Variants in MTREX observed in about 807,000 individuals in gnomAD.
The protein encoded by MTREX is Mtr4 exosome RNA helicase.
A neutral mutation model predicts 135.4 loss-of-function variants in MTREX; 76 were observed. That is an observed-to-expected ratio of 0.56 (90% confidence interval 0.47 to 0.68). The LOEUF (loss-of-function observed/expected upper bound fraction) is 0.68. Ranked by LOEUF, MTREX falls within the 30% of genes least tolerant of loss-of-function variation. The pLI, the probability that MTREX is intolerant of heterozygous loss-of-function variation, is 0.00. For missense variants in MTREX, 920 were observed against 1,262.1 expected, an observed-to-expected ratio of 0.73 and a Z score of 4.11; for synonymous variants, 404 against 401.6, an observed-to-expected ratio of 1.01 and a Z score of -0.07.
chr5:55,366,837 A>G lies in MTREX; in HGVS notation c.1772A>G (p.Gln591Arg), dbSNP rs928562187. 6.2e-7 allele frequency: 1 copy of G among 1,610,064 alleles called. No individual in the cohort carries two copies. Among genetic ancestry groups the G allele is most frequent in the Non-Finnish European group, 8.5e-7 (1 of 1,177,944 alleles). ...PEYMLEKSFY[Q>R]FQHYRAIPGV... The stretch of plus-strand genomic sequence containing the variant: ...TACATGTTGGAAAAATCCTTCTACC[A>G]GTTTCAGCATTATAGAGCAATTCCA... The change falls in exon 16 of 27, where the codon CAG (glutamine) becomes CGG (arginine). Residue 591 changes from glutamine (Q) to arginine (R), a missense_variant. Gln to Arg is a conservative substitution (Grantham distance 43, BLOSUM62 1). Transcript: ENST00000230640.
intron 15 of MTREX, among the ~76,000 whole-genome samples, chr5:55,365,625 G>T (rs909420699): frequency 6.6e-6 from 1 of 152,094 alleles, no homozygotes; most frequent in African/African-American, 2.4e-5. Flanking sequence ...TACATGTATC[G>T]TCCGAGAATT....
chr5:55,421,290 C>A (rs1053602995), intron 25 of MTREX, among the ~76,000 whole-genome samples: 3 of 152,208 alleles, frequency 2.0e-5, no homozygotes, highest in African/African-American at 7.2e-5. Context: ...CTTCATTAAT[C>A]CCTGGGGGGA....
At chr5:55,372,003 T>TA (rs771377260) in intron 16 of MTREX, among the ~76,000 whole-genome samples, 4 of 152,144 alleles carry the variant, frequency 2.6e-5, no homozygotes, top group African/African-American at 4.8e-5. Context: ...GCTTCCCTGT[T>TA]ATCCCCCATA....
rs1055293738 is a variant in MTREX, at chr5:55,342,505, AACTT to A, written c.781+737_781+740del. 9.7e-4 allele frequency among the ~76,000 whole-genome samples: 147 copies of A among 152,326 alleles called. 1 individual carries two copies. The highest frequency in any genetic ancestry group is 3.3e-3 in the African/African-American group (139 of 41,566). On this transcript the variant is annotated intron_variant, in intron 7 of 26. Coordinates refer to ENST00000230640, the MANE Select transcript of MTREX (RefSeq NM_015360.5). ...TGAAATAAAAATGAACAAAAAGAAA[AACTT>A]ACAAATGCCCCTTACTTAGGCTGTT... is the stretch of plus-strand genomic sequence containing the variant.
intron 18 of MTREX, among the ~76,000 whole-genome samples, chr5:55,382,060 GTACACAGCA>G (rs1277871940): frequency 1.3e-5 from 2 of 151,754 alleles, no homozygotes; most frequent in Non-Finnish European, 2.9e-5. Context: ...TGTGTCTCCT[GTACACAGCA>G]TACACAGCAG....
chr5:55,322,282 A>G (rs1579847702), intron 1 of MTREX, 45 bp from the exon 2 acceptor site: 2 of 1,531,408 alleles, frequency 1.3e-6, no homozygotes, highest in African/African-American at 1.4e-5. Context: ...CCCTTAAAGT[A>G]AAAGTGGATA....
chr5:55,396,387 T>C (rs1324862009), intron 19 of MTREX, among the ~76,000 whole-genome samples: 2 of 152,186 alleles, frequency 1.3e-5, no homozygotes, highest in Non-Finnish European at 2.9e-5. Context: ...ATTATAGCTT[T>C]GCAGGAGAAT....
intron 18 of MTREX, among the ~76,000 whole-genome samples, chr5:55,380,132 G>A (rs971923085): frequency 6.6e-5 from 10 of 151,606 alleles, no homozygotes; most frequent in Admixed American, 6.6e-4. Flanking sequence ...TAGTAGAGAC[G>A]GGTTTCACCG....
At chr5:55,330,244 T>A (rs1749453203) in intron 5 of MTREX, among the ~76,000 whole-genome samples, 1 of 151,860 alleles carries the variant, frequency 6.6e-6, no homozygotes, top group African/African-American at 2.4e-5. Context: ...ACTGGCTAAG[T>A]TTTTGATTAT....
intron 23 of MTREX, among the ~76,000 whole-genome samples, chr5:55,413,165 C>A (rs892636005): frequency 1.3e-5 from 2 of 151,838 alleles, no homozygotes; most frequent in Non-Finnish European, 2.9e-5. Flanking sequence ...ATGGTGAAAC[C>A]CCGTCTCTAC....
chr5:55,317,246 A>G (rs563448333), intron 1 of MTREX, among the ~76,000 whole-genome samples: 54 of 152,372 alleles, frequency 3.5e-4, no homozygotes, highest in African/African-American at 1.2e-3. Context: ...TGCTATTCCT[A>G]TCAAACTACC....
intron 23 of MTREX, among the ~76,000 whole-genome samples, chr5:55,411,028 G>T (rs1750878087): frequency 6.6e-6 from 1 of 152,174 alleles, no homozygotes; most frequent in Non-Finnish European, 1.5e-5. Flanking sequence ...GAATAATGAC[G>T]AAGCAGTCCA....
At chr5:55,342,100 G>A (rs1310824360) in intron 7 of MTREX, among the ~76,000 whole-genome samples, 1 of 152,014 alleles carries the variant, frequency 6.6e-6, no homozygotes, top group African/African-American at 2.4e-5. Context: ...AGTAGAGATG[G>A]CGTCTCACAA....
chr5:55,416,197 T>A, intron 25 of MTREX, 65 bp downstream of exon 25: 1 of 1,006,518 alleles, frequency 9.9e-7, no homozygotes, highest in Non-Finnish European at 1.4e-6. Flanking sequence ...GGTATTGTTT[T>A]AATTAAACAA....
intron 25 of MTREX, among the ~76,000 whole-genome samples, chr5:55,421,609 T>A (rs1178884641): frequency 6.6e-6 from 1 of 152,270 alleles, no homozygotes; most frequent in East Asian, 1.9e-4. Flanking sequence ...CAGATTCTGG[T>A]TAACACGAGT....
chr5:55,315,201 T>A (rs183410647), intron 1 of MTREX, among the ~76,000 whole-genome samples: 1 of 152,360 alleles, frequency 6.6e-6, no homozygotes, highest in Non-Finnish European at 1.5e-5. Context: ...TGTTAATTTA[T>A]ATTTCTTTTC....
At chr5:55,318,985 A>T (rs1160311828) in intron 1 of MTREX, among the ~76,000 whole-genome samples, 1 of 148,846 alleles carries the variant, frequency 6.7e-6, no homozygotes, top group Admixed American at 6.7e-5. Context: ...TCTTCACTCA[A>T]ATATTCTAAA....
chr5:55,339,581 T>C (rs1255841095), intron 5 of MTREX, among the ~76,000 whole-genome samples: 1 of 152,200 alleles, frequency 6.6e-6, no homozygotes, highest in East Asian at 1.9e-4. Context: ...AACTGTTACA[T>C]GTGGGAAAAG....
At position 55,322,404 on chromosome 5, in the gene MTREX, C is replaced by A; in HGVS notation, c.212C>A (p.Thr71Lys). The change falls in exon 2 of 27, where the codon ACA becomes AAA. Residue 71 changes from threonine to lysine, a missense_variant. Physicochemically the swap from Thr to Lys is moderately conservative, Grantham distance 78 (BLOSUM62 -1). Transcript: ENST00000230640. The part of the protein sequence containing the change: ...KNKRDVDFEG[T>K]DEPIFGKKPR... ...AAGAGAGATGTAGATTTCGAAGGTA[C>A]AGATGAACCCATTTTTGGAAAGAAG... The A allele has an allele frequency of 1.9e-6, 3 of 1,608,276 alleles. No homozygotes were observed. The highest frequency in any genetic ancestry group is 2.5e-6 in the Non-Finnish European group (3 of 1,177,058).
Sources: allele counts gnomAD v4.1 joint callset (sites outside exome capture counted in the v4.1 genomes callset), GRCh38; gene constraint gnomAD v4.1.1; transcripts MANE v1.5; gene names NCBI Gene and HGNC (gene_info 2026-07-23, HGNC 2026-07-21).